The following ZHX3 variants were observed in gnomAD, a reference collection of about 807,000 sequenced individuals.
The protein encoded by ZHX3 is zinc fingers and homeoboxes protein 3.
In ZHX3, 20 loss-of-function variants were observed where a neutral mutation model predicts 64.5. That is an observed-to-expected ratio of 0.31 (90% CI 0.22 to 0.45). The LOEUF is 0.45. Ranked by LOEUF, ZHX3 falls within the 20% of genes least tolerant of loss-of-function variation. ZHX3 has a pLI of 1.00. For missense variants in ZHX3, 1,041 were observed against 1,195.8 expected (o/e 0.87, Z 1.91); for synonymous variants, 423 against 461.6 (o/e 0.92, Z 1.07).
At chr20:41,274,291 C>G (rs1359692384) in intron 1 of ZHX3, among the ~76,000 whole-genome samples, 1 of 152,172 alleles carries the variant, frequency 6.6e-6, no homozygotes, top group African/African-American at 2.4e-5. Context: ...CTTATTTGTT[C>G]ACTGATAAGA....
intron 1 of ZHX3, among the ~76,000 whole-genome samples, chr20:41,300,940 C>T (rs904770099): frequency 3.9e-5 from 6 of 152,234 alleles, no homozygotes; most frequent in African/African-American, 1.4e-4. Context: ...TGTGAAGGAA[C>T]GCAAACCAAG....
intron 2 of ZHX3, among the ~76,000 whole-genome samples, chr20:41,222,364 G>GA (rs1197354193): frequency 6.6e-6 from 1 of 152,178 alleles, no homozygotes; most frequent in Non-Finnish European, 1.5e-5. Flanking sequence ...GAAGCTTTGT[G>GA]AAAAAAGCAA....
chr20:41,201,167 A>G lies in ZHX3; in HGVS notation c.2860+890T>C. The stretch of plus-strand genomic sequence containing the variant: ...CACCACGGAACCATCACATTGCCCA[A>G]CACCACAAATAGTGTCTCCTGTACC... On this transcript the variant is annotated intron_variant, in intron 3 of 3. Coordinates refer to ENST00000683867, the MANE Select transcript of ZHX3 (RefSeq NM_001384317.1). The surrounding 1 kb of genome is among the most constrained non-coding windows in gnomAD (Gnocchi z 5.0). 1.5e-6 allele frequency: 1 copy of G among 646,310 alleles called. No individual in the cohort carries two copies. The highest frequency in any genetic ancestry group is 2.0e-5 in the South Asian group (1 of 50,020). The allele number at this position is 646,310 out of a possible 1,614,324, so 40.0% of individuals were successfully genotyped here.
At position 41,285,890 on chromosome 20, in the gene ZHX3, A is replaced by G. The variant is rs140582378; in HGVS notation, c.-244-16807T>C. ...TTAAGGATTAAATGAGATGATACAT[A>G]CAAAAGGTTTAGCATAGTATGCCTA... On this transcript the variant is annotated intron_variant, in intron 1 of 3. Coordinates refer to ENST00000683867, the MANE Select transcript of ZHX3 (RefSeq NM_001384317.1). 5.3e-5 allele frequency among the ~76,000 whole-genome samples: 8 copies of G among 152,336 alleles called. No homozygotes were observed. The East Asian group carries it at 1.5e-3, about 29-fold the overall frequency.
At chr20:41,266,324 A>G (rs2042843812) in intron 2 of ZHX3, among the ~76,000 whole-genome samples, 1 of 152,150 alleles carries the variant, frequency 6.6e-6, no homozygotes, top group African/African-American at 2.4e-5. Context: ...AGAGACTGAC[A>G]TATAAGAAAA....
At chr20:41,231,741 G>A (rs946373030) in intron 2 of ZHX3, among the ~76,000 whole-genome samples, 2 of 152,090 alleles carry the variant, frequency 1.3e-5, no homozygotes, top group African/African-American at 4.8e-5. Flanking sequence ...CCTCTAATAA[G>A]AGATAACATA....
rs994380077 is a variant in ZHX3, at chr20:41,232,583, A to G, written c.-150-27517T>C. ...CTCTGGTGTACATAGCTGTCTTCTAATCTAGGAAAATTCTTCTTTTTTTTT... is the reference window on the plus strand; with the variant it reads ...CTCTGGTGTACATAGCTGTCTTCTAGTCTAGGAAAATTCTTCTTTTTTTTT... On this transcript the variant is annotated intron_variant, in intron 2 of 3. Transcript: ENST00000683867. This position sits in a 1 kb window ranked among gnomAD's most constrained non-coding sequence, Gnocchi z 5.0. Among the ~76,000 whole-genome samples the G allele has an allele frequency of 1.3e-5, 2 of 152,146 alleles. No individual in the cohort carries two copies. Among genetic ancestry groups the G allele is most frequent in the Non-Finnish European group, 2.9e-5 (2 of 68,018 alleles).
At chr20:41,237,654 C>T (rs2041100640) in intron 2 of ZHX3, among the ~76,000 whole-genome samples, 1 of 152,068 alleles carries the variant, frequency 6.6e-6, no homozygotes, top group Non-Finnish European at 1.5e-5. Flanking sequence ...AGGAGATATA[C>T]TTAATGTTAA....
At chr20:41,278,465 C>A (rs1346703781) in intron 1 of ZHX3, among the ~76,000 whole-genome samples, 1 of 141,100 alleles carries the variant, frequency 7.1e-6, no homozygotes, top group East Asian at 2.1e-4. Context: ...ATACTGGGAT[C>A]ATACTGCACA....
intron 2 of ZHX3, among the ~76,000 whole-genome samples, chr20:41,207,295 A>G (rs887330286): frequency 6.6e-6 from 1 of 152,218 alleles, no homozygotes; most frequent in Non-Finnish European, 1.5e-5. Context: ...AAATTCACAC[A>G]TAACAATATT....
chr20:41,283,755 TA>T (rs11288230), intron 1 of ZHX3, among the ~76,000 whole-genome samples: 85,244 of 147,316 alleles, frequency 0.58, 25,374 homozygotes, highest in East Asian at 0.82. Context: ...AGTCTCCATC[TA>T]AAAAAAAAAA....
chr20:41,209,291 T>A (rs2038973641), intron 2 of ZHX3, among the ~76,000 whole-genome samples: 1 of 152,060 alleles, frequency 6.6e-6, no homozygotes, highest in Non-Finnish European at 1.5e-5. Flanking sequence ...TTCAATGCCA[T>A]CCCCATCAAG....
chr20:41,239,949 G>A (rs751738898), intron 2 of ZHX3, among the ~76,000 whole-genome samples: 13 of 152,042 alleles, frequency 8.6e-5, no homozygotes, highest in Admixed American at 2.6e-4. Flanking sequence ...GAGAAAATAG[G>A]TAAAGCAGGA....
chr20:41,233,264 T>C (rs2040748606), intron 2 of ZHX3, among the ~76,000 whole-genome samples: 1 of 152,200 alleles, frequency 6.6e-6, no homozygotes, highest in East Asian at 1.9e-4. Context: ...AATGGGGGTG[T>C]TCCCTTAGAC....
chr20:41,210,627 C>T (rs1031015830), intron 2 of ZHX3, among the ~76,000 whole-genome samples: 2 of 152,150 alleles, frequency 1.3e-5, no homozygotes, highest in Non-Finnish European at 2.9e-5. Context: ...TGTTCTCACT[C>T]ATAGGTGGGA....
chr20:41,200,407 C>T lies in ZHX3; in HGVS notation c.2860+1650G>A, dbSNP rs980469209. Among the ~76,000 whole-genome samples the T allele has an allele frequency of 6.6e-6, 1 of 152,200 alleles. No individual in the cohort carries two copies. The highest frequency in any genetic ancestry group is 6.5e-5 in the Admixed American group (1 of 15,272). On this transcript the variant is annotated intron_variant, in intron 3 of 3. Transcript: ENST00000683867. This position sits in a 1 kb window ranked among gnomAD's most constrained non-coding sequence, Gnocchi z 4.2. The stretch of plus-strand genomic sequence containing the variant: ...GAGCTGGGTATAATATAAGGACCAA[C>T]TTACAAACTTGGACAAAGACTTGTA...
intron 2 of ZHX3, among the ~76,000 whole-genome samples, chr20:41,209,347 G>T (rs1192463588): frequency 6.6e-6 from 1 of 151,998 alleles, no homozygotes; most frequent in Non-Finnish European, 1.5e-5. Flanking sequence ...TACTTTAAAG[G>T]TCATATGGAA....
At chr20:41,234,578 G>A (rs188243036) in intron 2 of ZHX3, among the ~76,000 whole-genome samples, 4 of 152,346 alleles carry the variant, frequency 2.6e-5, no homozygotes, top group Admixed American at 2.6e-4. Context: ...AGCCAAAAAG[G>A]TAACAGGGAA....
intron 1 of ZHX3, among the ~76,000 whole-genome samples, chr20:41,274,664 G>C (rs1021423796): frequency 2.0e-5 from 3 of 152,162 alleles, no homozygotes; most frequent in Admixed American, 6.5e-5. Context: ...CAATTGCAAG[G>C]AAAGTATATA....
Sources: gnomAD v4.1 joint callset for allele counts (sites outside exome capture counted in the v4.1 genomes callset) on GRCh38, gnomAD v4.1.1 for gene constraint, Gnocchi (gnomAD v3.1) non-coding constraint, MANE v1.5 for transcripts, NCBI Gene and HGNC (gene_info 2026-07-23, HGNC 2026-07-21) for gene names.